Variants in EPHA7 observed in about 807,000 individuals in gnomAD.
EPHA7 encodes the protein EPH receptor A7, also known as ephrin type-A receptor 7.
A neutral mutation model predicts 112.6 loss-of-function variants in EPHA7; 25 were observed. That is an observed-to-expected ratio of 0.22 (90% CI 0.16 to 0.31). The LOEUF (loss-of-function observed/expected upper bound fraction) is 0.31, where lower values mean the gene tolerates loss of function less well. Among genes scored for constraint, EPHA7 ranks in the 10% least tolerant of loss-of-function variants. The pLI is 1.00. For missense variants in EPHA7, 962 were observed against 1,212.6 expected (o/e 0.79, Z 3.07); for synonymous variants, 437 against 406.5 (o/e 1.07, Z -0.90).
intron 5 of EPHA7, among the ~76,000 whole-genome samples, chr6:93,298,483 T>C (rs1184483952): frequency 6.6e-6 from 1 of 152,126 alleles, no homozygotes; most frequent in Non-Finnish European, 1.5e-5. Flanking sequence ...ATCATGTTTA[T>C]ATTATATATA....
chr6:93,378,438 A>G (rs900679994), intron 3 of EPHA7, among the ~76,000 whole-genome samples: 1 of 152,176 alleles, frequency 6.6e-6, no homozygotes, highest in African/African-American at 2.4e-5. Flanking sequence ...GACATGTAAG[A>G]AGATGACGGC....
At chr6:93,325,038 T>TA (rs1195368891) in intron 5 of EPHA7, among the ~76,000 whole-genome samples, 2 of 151,358 alleles carry the variant, frequency 1.3e-5, no homozygotes, top group Admixed American at 6.6e-5. Context: ...TTATGTAGTA[T>TA]AAAAAATGAG....
rs189529440 is a variant in EPHA7 at position 93,410,146 on chromosome 6, A to G, written c.832+355T>C. ...TGGGTTTAAAAACAGGAGGAATGGC[A>G]TCTCATTAAATCCTGTTAAATGTCA... On this transcript the variant is annotated intron_variant, in intron 3 of 16. Coordinates refer to ENST00000369303, the MANE Select transcript of EPHA7 (RefSeq NM_004440.4). The surrounding 1 kb of genome is among the most constrained non-coding windows in gnomAD (Gnocchi z 4.0). The G allele has an allele frequency of 6.9e-4, 134 of 193,770 alleles. No homozygotes were observed. The highest frequency in any genetic ancestry group is 2.9e-3 in the African/African-American group (125 of 43,076). 12.0% of individuals were successfully genotyped at this position (193,770 alleles called of 1,614,324 possible).
intron 6 of EPHA7, among the ~76,000 whole-genome samples, chr6:93,271,409 T>A (rs1286204589): frequency 2.0e-5 from 3 of 151,888 alleles, no homozygotes; most frequent in African/African-American, 7.2e-5. Flanking sequence ...GTCTAAACAG[T>A]TAAAATGGTT....
chr6:93,417,134 A>C (rs981935934), intron 1 of EPHA7, among the ~76,000 whole-genome samples: 3 of 152,058 alleles, frequency 2.0e-5, no homozygotes, highest in Non-Finnish European at 4.4e-5. Context: ...CAAGCGTCAG[A>C]CTCTGACACG....
chr6:93,349,555 G>A (rs961990627), intron 5 of EPHA7, among the ~76,000 whole-genome samples: 1 of 151,764 alleles, frequency 6.6e-6, no homozygotes, highest in Non-Finnish European at 1.5e-5. Context: ...TCTACAAAAT[G>A]GTTCCTGTTT....
At chr6:93,345,523 C>G (rs185972601) in intron 5 of EPHA7, among the ~76,000 whole-genome samples, 1 of 151,786 alleles carries the variant, frequency 6.6e-6, no homozygotes. Context: ...GTTAAGGCTG[C>G]AGCAATTATC....
intron 14 of EPHA7, among the ~76,000 whole-genome samples, chr6:93,252,943 C>T (rs1434923198): frequency 1.3e-5 from 2 of 151,722 alleles, no homozygotes; most frequent in Non-Finnish European, 2.9e-5. Flanking sequence ...TTAAGAAAAA[C>T]AAAAAACAAT....
At chr6:93,365,239 A>G (rs1430274920) in intron 3 of EPHA7, among the ~76,000 whole-genome samples, 2 of 152,210 alleles carry the variant, frequency 1.3e-5, no homozygotes, top group Non-Finnish European at 2.9e-5. Context: ...AGCTGTAAAG[A>G]GTTTATTAAT....
intron 5 of EPHA7, among the ~76,000 whole-genome samples, chr6:93,325,420 C>A (rs539294855): frequency 6.6e-6 from 1 of 151,102 alleles, no homozygotes; most frequent in Non-Finnish European, 1.5e-5. Flanking sequence ...ACCAGTGATG[C>A]GCAAGTGACT....
At chr6:93,259,195 T>A (rs544489424) in intron 10 of EPHA7, among the ~76,000 whole-genome samples, 159 bp downstream of exon 10, 2 of 152,134 alleles carry the variant, frequency 1.3e-5, no homozygotes, top group Admixed American at 1.3e-4. Flanking sequence ...CATTTTTTCA[T>A]AAGATTTCAT....
chr6:93,349,684 AT>A (rs1402491739), intron 5 of EPHA7, among the ~76,000 whole-genome samples: 1 of 151,884 alleles, frequency 6.6e-6, no homozygotes, highest in African/African-American at 2.4e-5. Flanking sequence ...ATAAGAAAAT[AT>A]ATTTTCTCAA....
intron 5 of EPHA7, among the ~76,000 whole-genome samples, chr6:93,344,116 TATCTATCTATC>T (rs761381591): frequency 2.3e-3 from 327 of 144,168 alleles, no homozygotes; most frequent in Admixed American, 4.1e-3. Context: ...TATGTCTATC[TATCTATCTATC>T]ATCTATCATC....
At chr6:93,292,431 G>A (rs936917549) in intron 5 of EPHA7, among the ~76,000 whole-genome samples, 6 of 151,906 alleles carry the variant, frequency 3.9e-5, no homozygotes, top group African/African-American at 1.5e-4. Flanking sequence ...TATTATTTAT[G>A]GGAAACCTGA....
Position 93,241,198 on chromosome 6 carries a change from ATTTAAT to A in EPHA7, c.*2222_*2227del. ...TCTATTTCTAGAATGGCTTTTGTTA[ATTTAAT>A]TTTAATAGAAAAAATAAGCACCTTA... On this transcript the variant is annotated 3_prime_UTR_variant, in exon 17 of 17. Coordinates refer to ENST00000369303, the MANE Select transcript of EPHA7 (RefSeq NM_004440.4). 9.3e-6 allele frequency: 2 copies of A among 214,942 alleles called. No individual in the cohort carries two copies. Among genetic ancestry groups the A allele is most frequent in the East Asian group, 6.9e-5 (1 of 14,430 alleles). 13.3% of individuals were successfully genotyped at this position (214,942 alleles called of 1,614,324 possible). A position where few individuals can be genotyped will look rare whatever the true frequency, so the allele number is the denominator to read the frequency against.
At chr6:93,268,654 G>T (rs7764643) in intron 7 of EPHA7, among the ~76,000 whole-genome samples, 106,848 of 151,450 alleles carry the variant, frequency 0.71, 37,808 homozygotes, top group South Asian at 0.84. Context: ...TCAGCTCTGT[G>T]GAGGAGCAAC....
intron 3 of EPHA7, among the ~76,000 whole-genome samples, chr6:93,407,584 C>T (rs1582685979): frequency 6.6e-6 from 1 of 152,028 alleles, no homozygotes; most frequent in East Asian, 1.9e-4. Flanking sequence ...TATAACAACG[C>T]ACACATATTC....
intron 5 of EPHA7, among the ~76,000 whole-genome samples, chr6:93,336,003 T>C (rs1303862813): frequency 1.3e-5 from 2 of 152,116 alleles, no homozygotes; most frequent in Non-Finnish European, 2.9e-5. Context: ...GTACTATCCT[T>C]GGTACCCAAA....
chr6:93,387,346 C>T (rs572146465), intron 3 of EPHA7, among the ~76,000 whole-genome samples: 1 of 152,210 alleles, frequency 6.6e-6, no homozygotes, highest in South Asian at 2.1e-4. Flanking sequence ...CTGAGACCAC[C>T]TCAGCCTGAA....
Sources: allele counts gnomAD v4.1 joint callset (sites outside exome capture counted in the v4.1 genomes callset), GRCh38; gene constraint gnomAD v4.1.1; non-coding constraint Gnocchi (gnomAD v3.1); transcripts MANE v1.5; gene names NCBI Gene and HGNC (gene_info 2026-07-23, HGNC 2026-07-21).